The following ZCCHC7 variants were observed in gnomAD, a reference collection of about 807,000 sequenced individuals.
The protein encoded by ZCCHC7 is zinc finger CCHC-type containing 7.
ZCCHC7 carries 35 observed loss-of-function variants against 52.0 expected under a neutral mutation model. The ratio of observed to expected loss-of-function variants is 0.67; its 90% confidence interval spans 0.51 to 0.89. The LOEUF (loss-of-function observed/expected upper bound fraction) is 0.89, where lower values mean the gene tolerates loss of function less well. ZCCHC7 is among the 40% of genes least tolerant of loss of function. ZCCHC7 has a pLI of 0.00. For synonymous variants in ZCCHC7, 217 were observed against 221.5 expected, an observed-to-expected ratio of 0.98 and a Z score of 0.18; for missense variants, 574 against 649.1, an observed-to-expected ratio of 0.88 and a Z score of 1.26.
intron 6 of ZCCHC7, among the ~76,000 whole-genome samples, chr9:37,344,430 A>G (rs1244925786): frequency 6.6e-6 from 1 of 152,196 alleles, no homozygotes; most frequent in Non-Finnish European, 1.5e-5. Flanking sequence ...CCTGTCCTCT[A>G]GAGCCTCCTC....
At chr9:37,212,964 T>G (rs1588491286) in intron 2 of ZCCHC7, among the ~76,000 whole-genome samples, 1 of 152,172 alleles carries the variant, frequency 6.6e-6, no homozygotes, top group East Asian at 1.9e-4. Flanking sequence ...GGGCTTGACT[T>G]TTTAATAGCT....
At chr9:37,295,273 A>T (rs1828733606) in intron 2 of ZCCHC7, among the ~76,000 whole-genome samples, 1 of 152,212 alleles carries the variant, frequency 6.6e-6, no homozygotes, top group Admixed American at 6.5e-5. Flanking sequence ...GGAAATTATT[A>T]GGCATAGCTG....
At chr9:37,200,365 A>G (rs573190395) in intron 2 of ZCCHC7, among the ~76,000 whole-genome samples, 8 of 152,276 alleles carry the variant, frequency 5.3e-5, no homozygotes, top group African/African-American at 1.9e-4. Context: ...TGTTGCTTTA[A>G]TTAGAGCTGA....
At chr9:37,294,786 T>A (rs1588626865) in intron 2 of ZCCHC7, among the ~76,000 whole-genome samples, 1 of 152,278 alleles carries the variant, frequency 6.6e-6, no homozygotes, top group East Asian at 1.9e-4. Flanking sequence ...ACTGGATAGA[T>A]AAAATAGATA....
At chr9:37,296,224 C>A (rs1182705359) in intron 2 of ZCCHC7, among the ~76,000 whole-genome samples, 2 of 152,042 alleles carry the variant, frequency 1.3e-5, no homozygotes, top group East Asian at 3.9e-4. Flanking sequence ...AAGGGAATGC[C>A]ATGAACAAAA....
intron 2 of ZCCHC7, among the ~76,000 whole-genome samples, chr9:37,152,132 G>T (rs1406652713): frequency 2.0e-5 from 3 of 152,146 alleles, no homozygotes; most frequent in Admixed American, 2.0e-4. Flanking sequence ...GTGCTCTAAA[G>T]AAAGATTTCC....
intron 2 of ZCCHC7, among the ~76,000 whole-genome samples, chr9:37,132,560 CAT>C (rs953614101): frequency 3.2e-4 from 49 of 152,240 alleles, no homozygotes; most frequent in Admixed American, 2.0e-4. Context: ...CATGTGTGCA[CAT>C]GTGTGTATGC....
At chr9:37,156,378 G>A (rs552247970) in intron 2 of ZCCHC7, among the ~76,000 whole-genome samples, 4 of 152,146 alleles carry the variant, frequency 2.6e-5, no homozygotes, top group South Asian at 2.1e-4. Context: ...TTTTCAACTC[G>A]TTTCATGATC....
At chr9:37,204,332 T>C (rs1823793740) in intron 2 of ZCCHC7, among the ~76,000 whole-genome samples, 1 of 152,246 alleles carries the variant, frequency 6.6e-6, no homozygotes, top group South Asian at 2.1e-4. Flanking sequence ...ATGTCACTTT[T>C]AGCTTTTGTT....
At chr9:37,343,271 A>T (rs80328694) in intron 6 of ZCCHC7, among the ~76,000 whole-genome samples, 1 of 152,196 alleles carries the variant, frequency 6.6e-6, no homozygotes, top group African/African-American at 2.4e-5. Flanking sequence ...GATTCATTCT[A>T]TAGCAGCAAG....
At chr9:37,336,225 A>G (rs1456576486) in intron 6 of ZCCHC7, among the ~76,000 whole-genome samples, 1 of 152,166 alleles carries the variant, frequency 6.6e-6, no homozygotes, top group African/African-American at 2.4e-5. Flanking sequence ...AGTTCTGCAG[A>G]CTTCCAGCTG....
chr9:37,260,506 A>G (rs1269078941), intron 2 of ZCCHC7, among the ~76,000 whole-genome samples: 2 of 152,218 alleles, frequency 1.3e-5, no homozygotes, highest in African/African-American at 4.8e-5. Context: ...GGACCGTTCA[A>G]CTAAATAGAG....
At chr9:37,199,768 C>T (rs557271964) in intron 2 of ZCCHC7, among the ~76,000 whole-genome samples, 21 of 152,004 alleles carry the variant, frequency 1.4e-4, no homozygotes, top group East Asian at 9.7e-4. Context: ...TGCAGTGGCG[C>T]GATCTCGGCT....
chr9:37,221,137 G>A (rs1824789767), intron 2 of ZCCHC7, among the ~76,000 whole-genome samples: 1 of 152,190 alleles, frequency 6.6e-6, no homozygotes. Context: ...TTGCCCTGAG[G>A]AACAGTTTGA....
intron 2 of ZCCHC7, among the ~76,000 whole-genome samples, chr9:37,128,185 T>G (rs1006859863): frequency 6.6e-6 from 1 of 152,092 alleles, no homozygotes; most frequent in African/African-American, 2.4e-5. Context: ...AGGTTAGAGA[T>G]AGGATCAGGT....
intron 2 of ZCCHC7, among the ~76,000 whole-genome samples, chr9:37,201,190 C>G (rs915701519): frequency 2.2e-4 from 34 of 152,264 alleles, no homozygotes; most frequent in African/African-American, 6.7e-4. Flanking sequence ...TCAGGTCTTA[C>G]AGCTTGTTAG....
intron 2 of ZCCHC7, among the ~76,000 whole-genome samples, chr9:37,159,834 C>T (rs1365730025): frequency 6.6e-6 from 1 of 152,170 alleles, no homozygotes; most frequent in African/African-American, 2.4e-5. Flanking sequence ...ATTAGGTTCT[C>T]TGGCAAGTGA....
chr9:37,306,620 C>G (rs1385763714), intron 5 of ZCCHC7, among the ~76,000 whole-genome samples: 6 of 150,846 alleles, frequency 4.0e-5, no homozygotes, highest in African/African-American at 1.2e-4. Flanking sequence ...CACGTGCCAC[C>G]ACACCTGGCT....
intron 2 of ZCCHC7, among the ~76,000 whole-genome samples, chr9:37,226,438 T>A (rs1418797448): frequency 2.0e-5 from 3 of 152,340 alleles, no homozygotes; most frequent in African/African-American, 7.2e-5. Context: ...TTTTCTAAAT[T>A]GATTATAAAA....
Sources: gnomAD v4.1 joint callset for allele counts (sites outside exome capture counted in the v4.1 genomes callset) on GRCh38, gnomAD v4.1.1 for gene constraint, MANE v1.5 for transcripts, NCBI Gene and HGNC (gene_info 2026-07-23, HGNC 2026-07-21) for gene names.